The following RNF157 variants were observed in gnomAD, a reference collection of about 807,000 sequenced individuals.
RNF157 encodes ring finger protein 157, also known as E3 ubiquitin ligase RNF157.
Under a neutral mutation model 88.3 loss-of-function variants are expected in RNF157, and 55 were observed. The ratio of observed to expected loss-of-function variants is 0.62; its 90% CI spans 0.50 to 0.78. The LOEUF is 0.78. Ranked by LOEUF, RNF157 falls within the 30% of genes least tolerant of loss-of-function variation. The probability of loss-of-function intolerance (pLI) is 0.00; values close to 1 mark genes in which losing one functional copy is unlikely to be tolerated. For synonymous variants in RNF157, 334 were observed against 341.2 expected, an observed-to-expected ratio of 0.98 and a Z score of 0.23; for missense variants, 788 against 860.8, an observed-to-expected ratio of 0.92 and a Z score of 1.06.
At chr17:76,177,049 T>C (rs1439550398) in intron 2 of RNF157, among the ~76,000 whole-genome samples, 1 of 151,912 alleles carries the variant, frequency 6.6e-6, no homozygotes, top group African/African-American at 2.4e-5. Context: ...AGGCCCAGGA[T>C]CCACTCTGTC....
In RNF157 at chr17:76,169,098, C is replaced by T. The variant is rs991564651; in HGVS notation, c.297-1301G>A. Among the ~76,000 whole-genome samples the T allele has an allele frequency of 2.0e-5, 3 of 152,084 alleles. No individual in the cohort carries two copies. The South Asian group carries it at 6.2e-4, about 32-fold the overall frequency. ...TAAATTCTATGTCACTGATGATTTC[C>T]TTCCTTTTACATTCTCTGTTCTCTG... On this transcript the variant is annotated intron_variant, in intron 3 of 18. Coordinates refer to ENST00000269391, the MANE Select transcript of RNF157 (RefSeq NM_052916.3).
At chr17:76,226,834 A>T in intron 1 of RNF157, 1 of 1,481,586 alleles carries the variant, frequency 6.7e-7, no homozygotes, top group Non-Finnish European at 9.1e-7. Flanking sequence ...GAATCGAGTA[A>T]TGTGCTTAAT....
At chr17:76,235,639 T>C (rs1382927768) in intron 1 of RNF157, among the ~76,000 whole-genome samples, 3 of 152,210 alleles carry the variant, frequency 2.0e-5, no homozygotes, top group East Asian at 3.8e-4. Flanking sequence ...GTTCTTGCAA[T>C]AGGAAAGACC....
intron 13 of RNF157, 103 bp from the exon 14 acceptor site, chr17:76,156,424 G>A: frequency 1.3e-6 from 2 of 1,543,898 alleles, no homozygotes; most frequent in Non-Finnish European, 1.7e-6. Flanking sequence ...GAGGAGGAAA[G>A]GCGACACTGG....
chr17:76,216,056 G>C (rs778483493), intron 1 of RNF157, among the ~76,000 whole-genome samples: 16 of 152,144 alleles, frequency 1.1e-4, no homozygotes, highest in Non-Finnish European at 1.9e-4. Context: ...TATTTTCTAT[G>C]CATCAGGAAT....
chr17:76,169,148 A>T (rs180968119), intron 3 of RNF157, among the ~76,000 whole-genome samples: 6 of 152,196 alleles, frequency 3.9e-5, no homozygotes, highest in African/African-American at 9.6e-5. Flanking sequence ...TGGATGTCAG[A>T]CCTTCTAAAT....
Position 76,191,579 on chromosome 17 carries a change from C to T in RNF157, c.208-17789G>A, listed in dbSNP as rs543226235. 4.0e-4 allele frequency among the ~76,000 whole-genome samples: 53 copies of T among 132,786 alleles called. 1 individual carries two copies. Among genetic ancestry groups the T allele is most frequent in the African/African-American group, 1.4e-3 (48 of 34,450 alleles). The allele number at this position is 132,786 out of a possible 152,430, so 87.1% of individuals were successfully genotyped here. A position where few individuals can be genotyped will look rare whatever the true frequency, so the allele number is the denominator to read the frequency against. On this transcript the variant is annotated intron_variant, in intron 2 of 18. Coordinates refer to ENST00000269391, the MANE Select transcript of RNF157 (RefSeq NM_052916.3). The stretch of plus-strand genomic sequence containing the variant: ...TCACGCCACTGCACTCCAGCCTGGG[C>T]GACAGAGCAAGACTCCGCCTCAAAA...
chr17:76,194,257 T>C (rs565030456), intron 2 of RNF157, among the ~76,000 whole-genome samples: 3 of 152,316 alleles, frequency 2.0e-5, no homozygotes, highest in South Asian at 2.1e-4. Flanking sequence ...CTGGCAACCA[T>C]TGATCTATTT....
intron 1 of RNF157, among the ~76,000 whole-genome samples, chr17:76,220,156 T>C (rs2069956031): frequency 6.6e-6 from 1 of 151,876 alleles, no homozygotes; most frequent in Admixed American, 6.6e-5. Flanking sequence ...GAACAAGGGC[T>C]CTTTGGAGGC....
At chr17:76,155,211 G>C in intron 16 of RNF157, 41 bp downstream of exon 16, 1 of 1,579,108 alleles carries the variant, frequency 6.3e-7, no homozygotes, top group Non-Finnish European at 8.7e-7. Context: ...GCACTCCTCT[G>C]GTTGTGGGAA....
At chr17:76,182,837 G>GAT (rs1396572375) in intron 2 of RNF157, among the ~76,000 whole-genome samples, 3 of 79,080 alleles carry the variant, frequency 3.8e-5, no homozygotes, top group Admixed American at 2.5e-4. Context: ...TCCTATATAT[G>GAT]ATATATAGGA....
chr17:76,198,627 C>A (rs1403859646), intron 2 of RNF157, among the ~76,000 whole-genome samples: 1 of 152,184 alleles, frequency 6.6e-6, no homozygotes, highest in Non-Finnish European at 1.5e-5. Context: ...TGAGGTCAAA[C>A]CTCCATCAAA....
intron 1 of RNF157, chr17:76,225,901 C>T: frequency 1.2e-6 from 2 of 1,613,588 alleles, no homozygotes; most frequent in Non-Finnish European, 1.7e-6. Flanking sequence ...GAGCCTCCTG[C>T]TCCGCCCTCT....
chr17:76,210,539 A>C (rs540191634), intron 2 of RNF157, among the ~76,000 whole-genome samples: 3 of 128,328 alleles, frequency 2.3e-5, no homozygotes, highest in Non-Finnish European at 3.1e-5. Context: ...TCAGTGAGCC[A>C]AGATCGTGCC....
intron 2 of RNF157, among the ~76,000 whole-genome samples, chr17:76,203,749 G>C (rs1187728387): frequency 6.8e-6 from 1 of 147,306 alleles, no homozygotes; most frequent in Admixed American, 6.8e-5. Flanking sequence ...ACCACGCCTG[G>C]CCTGTAAAAA....
intron 1 of RNF157, among the ~76,000 whole-genome samples, chr17:76,235,928 G>A (rs1257934868): frequency 6.6e-6 from 1 of 152,174 alleles, no homozygotes; most frequent in African/African-American, 2.4e-5. Context: ...AAGATCGCTT[G>A]AGCCCAGGAC....
Position 76,237,503 on chromosome 17 carries a change from A to G in RNF157, c.88+2650T>C, listed in dbSNP as rs550220802. Reference sequence around the variant, plus strand: ...AATCAACCCAGGTTGATTCCTCTATAGGGACTTCAATTATGACACGAAATA... The same window carrying G: ...AATCAACCCAGGTTGATTCCTCTATGGGGACTTCAATTATGACACGAAATA... On this transcript the variant is annotated intron_variant, in intron 1 of 18. Transcript: ENST00000269391. Among the ~76,000 whole-genome samples, 43 of 152,356 alleles carry G rather than the reference A, an allele frequency of 2.8e-4. No individual in the cohort carries two copies. In the South Asian group the frequency reaches 8.9e-3, roughly 32 times the overall value.
intron 1 of RNF157, among the ~76,000 whole-genome samples, chr17:76,219,699 T>C (rs1475021710): frequency 2.0e-5 from 3 of 151,836 alleles, no homozygotes; most frequent in Non-Finnish European, 4.4e-5. Flanking sequence ...TGAACCTAGG[T>C]GTGTGTGTAG....
intron 17 of RNF157, chr17:76,153,881 C>A: frequency 5.6e-6 from 1 of 178,454 alleles, no homozygotes; most frequent in Non-Finnish European, 1.2e-5. Context: ...ATAGTCCTCC[C>A]CCTCCCCCCA....
Sources: allele counts gnomAD v4.1 joint callset (sites outside exome capture counted in the v4.1 genomes callset), GRCh38; gene constraint gnomAD v4.1.1; transcripts MANE v1.5; gene names NCBI Gene and HGNC (gene_info 2026-07-23, HGNC 2026-07-21).